Variants in GLIS3 observed in about 807,000 individuals in gnomAD.
GLIS3 encodes GLIS family zinc finger 3, also known as zinc finger protein GLIS3.
Under a neutral mutation model 78.6 loss-of-function variants are expected in GLIS3, and 53 were observed. That is an observed-to-expected ratio of 0.67 (90% CI 0.54 to 0.85). GLIS3 has a LOEUF of 0.85. Ranked by LOEUF, GLIS3 falls within the 40% of genes least tolerant of loss-of-function variation. GLIS3 has a pLI of 0.00. For missense variants in GLIS3, 1,703 were observed against 1,231.1 expected (o/e 1.38, Z -5.74); for synonymous variants, 684 against 509.9 (o/e 1.34, Z -4.60).
intron 4 of GLIS3, among the ~76,000 whole-genome samples, chr9:3,987,146 C>T (rs946413806): frequency 7.9e-5 from 12 of 151,762 alleles, no homozygotes; most frequent in East Asian, 1.9e-4. Context: ...AAATGAAAAG[C>T]GTAAATTATA....
At chr9:4,389,962 G>C in the GLIS3 span, among the ~76,000 whole-genome samples, 1 of 152,232 alleles carries the variant, frequency 6.6e-6, no homozygotes, top group Non-Finnish European at 1.5e-5. Context: ...AACGTTCTAA[G>C]ACAGTGGAGA....
At chr9:4,065,347 T>G (rs1827005616) in intron 4 of GLIS3, among the ~76,000 whole-genome samples, 1 of 152,250 alleles carries the variant, frequency 6.6e-6, no homozygotes, top group Non-Finnish European at 1.5e-5. Context: ...GGGTTATTTT[T>G]TAAGTACTAT....
chr9:4,418,173 T>G, the GLIS3 span, among the ~76,000 whole-genome samples: 30 of 152,224 alleles, frequency 2.0e-4, no homozygotes, highest in Non-Finnish European at 3.8e-4. Flanking sequence ...ACAAATGTAC[T>G]GGATATAGCC....
intron 2 of GLIS3, among the ~76,000 whole-genome samples, chr9:4,131,542 A>T (rs1388297206): frequency 6.6e-6 from 1 of 150,632 alleles, no homozygotes; most frequent in Non-Finnish European, 1.5e-5. Context: ...TGGTTGTATA[A>T]AAGTGTGTGG....
intron 2 of GLIS3, among the ~76,000 whole-genome samples, chr9:4,208,705 C>A (rs548626508): frequency 6.6e-6 from 1 of 152,300 alleles, no homozygotes; most frequent in African/African-American, 2.4e-5. Context: ...TGGTTGCTAG[C>A]GTTTAAAGAG....
chr9:4,205,467 A>T (rs1334026851), intron 2 of GLIS3, among the ~76,000 whole-genome samples: 1 of 152,232 alleles, frequency 6.6e-6, no homozygotes, highest in Non-Finnish European at 1.5e-5. Flanking sequence ...GGATTCTGAG[A>T]AAAAGACATG....
Position 3,941,373 on chromosome 9 carries a change from A to T in GLIS3, c.1711-4184T>A, listed in dbSNP as rs931662429. Among the ~76,000 whole-genome samples the T allele has an allele frequency of 9.9e-5, 15 of 151,610 alleles. 1 individual carries two copies. Among genetic ancestry groups the T allele is most frequent in the Admixed American group, 3.9e-4 (6 of 15,244 alleles). On this transcript the variant is annotated intron_variant, in intron 4 of 10. Transcript: ENST00000381971. ...TTTTATTTTATTTATTTATTTATTT[A>T]TTTTATTTTTTTTAAAATTATACTT...
the GLIS3 span, among the ~76,000 whole-genome samples, chr9:4,407,507 C>A: frequency 6.6e-6 from 1 of 152,062 alleles, no homozygotes; most frequent in African/African-American, 2.4e-5. Context: ...ATTAGCCGGG[C>A]GTGGTGGCGG....
intron 4 of GLIS3, among the ~76,000 whole-genome samples, chr9:4,020,266 G>C (rs769695643): frequency 6.6e-6 from 1 of 152,124 alleles, no homozygotes; most frequent in Non-Finnish European, 1.5e-5. Context: ...TAAAAGGGGA[G>C]GGTAACTTAA....
chr9:3,969,109 C>A (rs186444097), intron 4 of GLIS3, among the ~76,000 whole-genome samples: 68 of 152,288 alleles, frequency 4.5e-4, no homozygotes, highest in African/African-American at 1.4e-3. Context: ...GTTCATTTTT[C>A]CCCTTGTCTG....
At chr9:3,925,290 A>G (rs1271883390) in intron 6 of GLIS3, among the ~76,000 whole-genome samples, 5 of 152,086 alleles carry the variant, frequency 3.3e-5, no homozygotes, top group Non-Finnish European at 7.4e-5. Context: ...ACTATACTGA[A>G]AGCTGGCATC....
At chr9:3,879,338 T>A (rs1821562839) in intron 8 of GLIS3, 89 bp downstream of exon 8, 6 of 1,282,404 alleles carry the variant, frequency 4.7e-6, no homozygotes, top group Non-Finnish European at 6.8e-6. Flanking sequence ...AACGGATTAT[T>A]AATAAAATTC....
At chr9:4,369,729 T>C in the GLIS3 span, among the ~76,000 whole-genome samples, 71,296 of 152,068 alleles carry the variant, frequency 0.47, 19,704 homozygotes, top group East Asian at 0.62. Context: ...TGAAGATCAC[T>C]GACTATCAGA....
chr9:3,840,668 G>C (rs1818656650), intron 9 of GLIS3, among the ~76,000 whole-genome samples: 1 of 152,234 alleles, frequency 6.6e-6, no homozygotes, highest in African/African-American at 2.4e-5. Context: ...TGGTTCAAAA[G>C]TTGACCACTG....
chr9:3,833,252 T>C (rs1398732343), intron 9 of GLIS3, among the ~76,000 whole-genome samples: 1 of 152,198 alleles, frequency 6.6e-6, no homozygotes, highest in East Asian at 1.9e-4. Flanking sequence ...ATCCTCTTTA[T>C]TAAATCTCTC....
At chr9:3,867,827 A>T (rs1248528683) in intron 8 of GLIS3, among the ~76,000 whole-genome samples, 1 of 151,856 alleles carries the variant, frequency 6.6e-6, no homozygotes, top group African/African-American at 2.4e-5. Context: ...ACCTCTCTTA[A>T]TCTTGAATAT....
chr9:4,075,761 G>A (rs1186176085), intron 4 of GLIS3, among the ~76,000 whole-genome samples: 1 of 151,990 alleles, frequency 6.6e-6, no homozygotes, highest in African/African-American at 2.4e-5. Context: ...GTCGTACAAT[G>A]CAACATTAAT....
At chr9:4,007,877 G>C (rs963819934) in intron 4 of GLIS3, among the ~76,000 whole-genome samples, 1 of 148,364 alleles carries the variant, frequency 6.7e-6, no homozygotes, top group South Asian at 2.2e-4. Context: ...ATGGCAGGTC[G>C]GGCGGGGGTG....
At chr9:4,133,736 C>T (rs1029482475) in intron 2 of GLIS3, among the ~76,000 whole-genome samples, 1 of 152,078 alleles carries the variant, frequency 6.6e-6, no homozygotes, top group East Asian at 1.9e-4. Flanking sequence ...ACTTGTCTCT[C>T]ATATGGTACC....
Sources: gnomAD v4.1 joint callset for allele counts (sites outside exome capture counted in the v4.1 genomes callset) on GRCh38, gnomAD v4.1.1 for gene constraint, MANE v1.5 for transcripts, NCBI Gene and HGNC (gene_info 2026-07-23, HGNC 2026-07-21) for gene names.